AQP2: variants seen among roughly 807,000 people sequenced by gnomAD.
The protein encoded by AQP2 is aquaporin 2, also known as aquaporin-2.
AQP2 carries 20 observed loss-of-function variants against 21.6 expected under a neutral mutation model. The ratio of observed to expected loss-of-function variants is 0.92; its 90% CI spans 0.65 to 1.34. AQP2 has a LOEUF of 1.34. Among genes scored for constraint, AQP2 ranks in the 40% most tolerant of loss-of-function variants. AQP2 has a pLI of 0.00. For synonymous variants in AQP2, 168 were observed against 166.9 expected, an observed-to-expected ratio of 1.01 and a Z score of -0.05; for missense variants, 325 against 363.4, an observed-to-expected ratio of 0.89 and a Z score of 0.86.
chr12:49,953,597 A>T (rs1460849567), intron 1 of AQP2, among the ~76,000 whole-genome samples: 1 of 152,182 alleles, frequency 6.6e-6, no homozygotes, highest in Non-Finnish European at 1.5e-5. Flanking sequence ...GGAATAGACA[A>T]GGGTTAGGGA....
chr12:49,953,764 A>T lies in AQP2; in HGVS notation c.361-391A>T, dbSNP rs935331592. ...GGTCTGATGGTCTACAGACAGAGGAAGGTCTTCCTGCTAACCGGCCCAAAG... is the reference window on the plus strand; with the variant it reads ...GGTCTGATGGTCTACAGACAGAGGATGGTCTTCCTGCTAACCGGCCCAAAG... On this transcript the variant is annotated intron_variant, in intron 1 of 3. Transcript: ENST00000199280. 2.0e-5 allele frequency among the ~76,000 whole-genome samples: 3 copies of T among 152,228 alleles called. No individual in the cohort carries two copies. In the East Asian group the frequency reaches 5.8e-4, roughly 29 times the overall value.
chr12:49,951,052 C>T lies in AQP2; in HGVS notation c.222C>T (p.Ala74=). 6.2e-7 allele frequency: 1 copy of T among 1,613,520 alleles called. No individual in the cohort carries two copies. ...ACATCAACCCTGCCGTGACTGTGGC[C>T]TGCCTGGTGGGCTGCCACGTCTCCG... ...GAHINPAVTV[A]CLVGCHVSVL... is the part of the protein sequence containing the mutation. The change falls in exon 1 of 4, where the codon GCC becomes GCT. Residue 74 remains alanine, a synonymous_variant. Transcript: ENST00000199280.
chr12:49,951,888 T>A (rs11169225), intron 1 of AQP2: 19,642 of 152,372 alleles, frequency 0.13, 1,662 homozygotes, highest in Non-Finnish European at 0.19. Context: ...TGTGGAGGAA[T>A]GACCTGTGCC....
Position 49,955,708 on chromosome 12 carries a change from C to G in AQP2, c.*100C>G. ...TCTCCCGCAGGTCTGAAGTTGGCCC[C>G]CCAGCGCAGAGTAGCTGCTTCCTGG... is the stretch of plus-strand genomic sequence containing the variant. On this transcript the variant is annotated 3_prime_UTR_variant, in exon 4 of 4. Transcript: ENST00000199280. The G allele has an allele frequency of 7.0e-7, 1 of 1,418,858 alleles. No homozygotes were observed. The highest frequency in any genetic ancestry group is 2.3e-4 in the Middle Eastern group (1 of 4,296). 87.9% of individuals were successfully genotyped at this position (1,418,858 alleles called of 1,614,324 possible). A position where few individuals can be genotyped will look rare whatever the true frequency, so the allele number is the denominator to read the frequency against.
In AQP2 at chr12:49,951,019, C is replaced by A. The variant is rs200279968; in HGVS notation, c.189C>A (p.Ser63Arg). ...GTLVQALGHI[S>R]GAHINPAVTV... ...TGGTACAGGCTCTGGGCCACATAAG[C>A]GGGGCCCACATCAACCCTGCCGTGA... is the stretch of plus-strand genomic sequence containing the variant. Residue 63 changes from serine to arginine, a missense_variant, in exon 1 of 4, where the codon AGC (serine) becomes AGA (arginine). Coordinates refer to ENST00000199280, the MANE Select transcript of AQP2 (RefSeq NM_000486.6). 2 of 1,613,992 alleles carry A rather than the reference C, an allele frequency of 1.2e-6. No homozygotes were observed. Among genetic ancestry groups the A allele is most frequent in the Non-Finnish European group, 1.7e-6 (2 of 1,180,032 alleles).
At chr12:49,954,839 G>A (rs1947355008) in intron 3 of AQP2, 129 bp downstream of exon 3, 1 of 1,072,970 alleles carries the variant, frequency 9.3e-7, no homozygotes, top group Non-Finnish European at 1.4e-6. Flanking sequence ...TCCTGGTCCT[G>A]GGGAGCCTTG....
chr12:49,955,930 C>A lies in AQP2; in HGVS notation c.*322C>A, dbSNP rs1947366969. 3.7e-6 allele frequency: 2 copies of A among 544,952 alleles called. No individual in the cohort carries two copies. The highest frequency in any genetic ancestry group is 6.5e-5 in the East Asian group (2 of 30,756). 33.8% of individuals were successfully genotyped at this position (544,952 alleles called of 1,614,324 possible). A position where few individuals can be genotyped will look rare whatever the true frequency, so the allele number is the denominator to read the frequency against. On this transcript the variant is annotated 3_prime_UTR_variant, in exon 4 of 4. Transcript: ENST00000199280. ...GTGGTAAGAGGGAAACTCTGGAGAG[C>A]CTGCACCCAGGTACTGAGTGGGGAG...
Position 49,955,701 on chromosome 12 carries a change from T to C in AQP2, c.*93T>C. ...TCCCTCCTCTCCCGCAGGTCTGAAG[T>C]TGGCCCCCCAGCGCAGAGTAGCTGC... is the stretch of plus-strand genomic sequence containing the variant. On this transcript the variant is annotated 3_prime_UTR_variant, in exon 4 of 4. Coordinates refer to ENST00000199280, the MANE Select transcript of AQP2 (RefSeq NM_000486.6). The C allele has an allele frequency of 6.9e-7, 1 of 1,451,820 alleles. No homozygotes were observed. 89.9% of individuals were successfully genotyped at this position (1,451,820 alleles called of 1,614,324 possible).
chr12:49,954,381 A>G, intron 2 of AQP2, 62 bp downstream of exon 2: 1 of 1,539,172 alleles, frequency 6.5e-7, no homozygotes, highest in South Asian at 1.1e-5. Flanking sequence ...CACTCCAGAG[A>G]CAGACACAGA....
Position 49,955,474 on chromosome 12 carries a change from A to G in AQP2, c.682A>G (p.Lys228Glu). The G allele has an allele frequency of 6.2e-7, 1 of 1,612,898 alleles. No individual in the cohort carries two copies. The highest frequency in any genetic ancestry group is 8.5e-7 in the Non-Finnish European group (1 of 1,179,848). The stretch of plus-strand genomic sequence containing the variant: ...CAACTACGTGCTGTTTCCGCCAGCC[A>G]AGAGCCTGTCGGAGCGCCTGGCAGT... ...LYNYVLFPPA[K>E]SLSERLAVLK... The change falls in exon 4 of 4, where the codon AAG becomes GAG. Residue 228 changes from lysine to glutamate, a missense_variant. Coordinates refer to ENST00000199280, the MANE Select transcript of AQP2 (RefSeq NM_000486.6).
chr12:49,954,359 A>T, intron 2 of AQP2, 40 bp downstream of exon 2: 1 of 1,581,396 alleles, frequency 6.3e-7, no homozygotes, highest in Non-Finnish European at 8.6e-7. Flanking sequence ...CTGGAGGAAC[A>T]GACACACAGA....
At chr12:49,951,235 G>C (rs138747917) in intron 1 of AQP2, 45 bp downstream of exon 1, 1 of 1,570,198 alleles carries the variant, frequency 6.4e-7, no homozygotes, top group South Asian at 1.2e-5. Flanking sequence ...AGGTCCTGGG[G>C]AATCCCTTGT....
chr12:49,954,345 C>T (rs369703113), intron 2 of AQP2, 26 bp downstream of exon 2: 2 of 1,599,700 alleles, frequency 1.3e-6, no homozygotes, highest in Non-Finnish European at 1.7e-6. Flanking sequence ...GGGTTCCAGC[C>T]TCCCTGGAGG....
At position 49,954,147 on chromosome 12, in the gene AQP2, G is replaced by C. The variant is rs745686376; in HGVS notation, c.361-8G>C. On this transcript the variant is annotated splice_region_variant and splice_polypyrimidine_tract_variant and intron_variant, in intron 1 of 3. Coordinates refer to ENST00000199280, the MANE Select transcript of AQP2 (RefSeq NM_000486.6). The stretch of plus-strand genomic sequence containing the variant: ...GTGTTCCCCTACCCGCCTCTTCTCT[G>C]TCCCCAGCTCAGCAACAGCACGACG... 1 of 1,598,178 alleles carries C rather than the reference G, an allele frequency of 6.3e-7. No homozygotes were observed. The highest frequency in any genetic ancestry group is 1.1e-5 in the South Asian group (1 of 91,008).
rs1160207500 is a variant in AQP2 at position 49,957,995 on chromosome 12, A to C, written c.*2387A>C. ...CCTCTATTGCCCAGATTGGAGTCAG[A>C]GGTCAAAAAAGGATTCCAAGTGATG... On this transcript the variant is annotated 3_prime_UTR_variant, in exon 4 of 4. Coordinates refer to ENST00000199280, the MANE Select transcript of AQP2 (RefSeq NM_000486.6). 4 of 152,198 alleles carry C rather than the reference A, an allele frequency of 2.6e-5. No homozygotes were observed. The highest frequency in any genetic ancestry group is 9.6e-5 in the African/African-American group (4 of 41,460). 9.4% of individuals were successfully genotyped at this position (152,198 alleles called of 1,614,324 possible). A position where few individuals can be genotyped will look rare whatever the true frequency, so the allele number is the denominator to read the frequency against.
intron 2 of AQP2, 52 bp from the exon 3 acceptor site, chr12:49,954,578 C>T: frequency 2.5e-6 from 4 of 1,591,256 alleles, no homozygotes; most frequent in East Asian, 2.2e-5. Flanking sequence ...ACAAGGACTT[C>T]CTGCCCTGTC....
intron 3 of AQP2, 86 bp downstream of exon 3, chr12:49,954,796 C>T (rs1023119952): frequency 1.7e-5 from 25 of 1,470,428 alleles, no homozygotes; most frequent in Non-Finnish European, 2.1e-5. Flanking sequence ...GGGATGGGGG[C>T]TCAGCAGCGG....
intron 1 of AQP2, 102 bp from the exon 2 acceptor site, chr12:49,954,053 C>G (rs1947348108): frequency 2.0e-6 from 3 of 1,512,952 alleles, no homozygotes; most frequent in Non-Finnish European, 1.8e-6. Flanking sequence ...CGGCTCCCAG[C>G]CCAGAGGCCC....
rs776361548 is a variant in AQP2, at chr12:49,956,696, C to T, written c.*1088C>T. ...GTGAGCCCTCTTGCCCAGCACACAC[C>T]TATGGCTGGCTGGGCAAGGCGCTCA... On this transcript the variant is annotated 3_prime_UTR_variant, in exon 4 of 4. Coordinates refer to ENST00000199280, the MANE Select transcript of AQP2 (RefSeq NM_000486.6). 1.3e-5 allele frequency: 2 copies of T among 152,290 alleles called. No homozygotes were observed. The highest frequency in any genetic ancestry group is 2.9e-5 in the Non-Finnish European group (2 of 68,098). 9.4% of individuals were successfully genotyped at this position (152,290 alleles called of 1,614,324 possible).
Sources: gnomAD v4.1 joint callset for allele counts (sites outside exome capture counted in the v4.1 genomes callset) on GRCh38, gnomAD v4.1.1 for gene constraint, MANE v1.5 for transcripts, NCBI Gene and HGNC (gene_info 2026-07-23, HGNC 2026-07-21) for gene names.